Variants in PIK3R1 observed in about 807,000 individuals in gnomAD.
The protein encoded by PIK3R1 is phosphoinositide-3-kinase regulatory subunit 1, also known as phosphatidylinositol 3-kinase regulatory subunit alpha.
PIK3R1 carries 29 observed loss-of-function variants against 98.0 expected under a neutral mutation model. The ratio of observed to expected loss-of-function variants is 0.30; its 90% CI spans 0.22 to 0.40. The LOEUF is 0.40. Among genes scored for constraint, PIK3R1 ranks in the 10% least tolerant of loss-of-function variants. PIK3R1 has a pLI of 1.00. For missense variants in PIK3R1, 596 were observed against 872.7 expected (o/e 0.68, Z 3.99); for synonymous variants, 282 against 311.8 (o/e 0.90, Z 1.01).
intron 2 of PIK3R1, among the ~76,000 whole-genome samples, chr5:68,271,811 T>C (rs1746372885): frequency 1.2e-5 from 1 of 80,222 alleles, no homozygotes; most frequent in African/African-American, 1.2e-4. Context: ...TCCATCTATG[T>C]ACTGCACATT....
At chr5:68,262,499 TATCTATATATGTATAC>T (rs1348761041) in intron 2 of PIK3R1, among the ~76,000 whole-genome samples, 1 of 137,884 alleles carries the variant, frequency 7.3e-6, no homozygotes, top group African/African-American at 2.7e-5. Context: ...TGTATACATA[TATCTATATATGTATAC>T]ATATAGATAC....
chr5:68,249,229 A>G (rs1745211754), intron 2 of PIK3R1, among the ~76,000 whole-genome samples: 1 of 152,224 alleles, frequency 6.6e-6, no homozygotes, highest in Non-Finnish European at 1.5e-5. Context: ...TTTAAAATTC[A>G]GAGTCATTTT....
In PIK3R1 at chr5:68,301,575, T is replaced by C. The variant is rs1432541417; in HGVS notation, c.*3974T>C. ...GTGTATTTTTTAAAGCTACAATCTGTTCAATGTTTTTAAAAATCTGTTTAT... is the reference window on the plus strand; with the variant it reads ...GTGTATTTTTTAAAGCTACAATCTGCTCAATGTTTTTAAAAATCTGTTTAT... On this transcript the variant is annotated 3_prime_UTR_variant, in exon 16 of 16. Transcript: ENST00000521381. The C allele has an allele frequency of 6.3e-6, 1 of 159,078 alleles. No individual in the cohort carries two copies. Among genetic ancestry groups the C allele is most frequent in the Non-Finnish European group, 1.4e-5 (1 of 73,462 alleles). 9.9% of individuals were successfully genotyped at this position (159,078 alleles called of 1,614,324 possible). A position where few individuals can be genotyped will look rare whatever the true frequency, so the allele number is the denominator to read the frequency against.
chr5:68,267,434 A>G (rs1019577806), intron 2 of PIK3R1, among the ~76,000 whole-genome samples: 1 of 152,190 alleles, frequency 6.6e-6, no homozygotes, highest in African/African-American at 2.4e-5. Context: ...GCAGCAGGAG[A>G]GATAAATGAG....
chr5:68,252,992 T>C (rs1745375979), intron 2 of PIK3R1, among the ~76,000 whole-genome samples: 1 of 152,142 alleles, frequency 6.6e-6, no homozygotes, highest in Non-Finnish European at 1.5e-5. Flanking sequence ...ACAGGAAAAA[T>C]TGACTTTATG....
chr5:68,264,897 C>G lies in PIK3R1; in HGVS notation c.335-8493C>G, dbSNP rs865905834. ...ATACCTAATTCGTTGTGGTATCAGA[C>G]CAAATTTGATATGATAGCTAGACCC... On this transcript the variant is annotated intron_variant, in intron 2 of 15. Transcript: ENST00000521381. 3.9e-5 allele frequency among the ~76,000 whole-genome samples: 6 copies of G among 152,174 alleles called. No individual in the cohort carries two copies. The South Asian group carries it at 1.2e-3, about 32-fold the overall frequency.
At chr5:68,292,618 A>C (rs1354493127) in intron 8 of PIK3R1, 3 of 1,440,348 alleles carry the variant, frequency 2.1e-6, no homozygotes, top group Non-Finnish European at 2.8e-6. Flanking sequence ...GCACTGCCTA[A>C]GAACAGAGTG....
At chr5:68,242,995 G>C (rs1392227263) in intron 2 of PIK3R1, among the ~76,000 whole-genome samples, 3 of 151,588 alleles carry the variant, frequency 2.0e-5, no homozygotes, top group Admixed American at 6.6e-5. Context: ...TCTTCCCACC[G>C]TCCCCAGACA....
intron 2 of PIK3R1, among the ~76,000 whole-genome samples, chr5:68,238,253 A>C (rs888447444): frequency 6.6e-6 from 1 of 152,194 alleles, no homozygotes; most frequent in African/African-American, 2.4e-5. Context: ...AATAACTAGC[A>C]CCCAAGTGGA....
chr5:68,221,152 C>T (rs1340241495), intron 1 of PIK3R1, among the ~76,000 whole-genome samples: 1 of 152,242 alleles, frequency 6.6e-6, no homozygotes, highest in Non-Finnish European at 1.5e-5. Flanking sequence ...TAGTGCCATG[C>T]TCTTGGACTT....
At chr5:68,243,578 C>A (rs1744949347) in intron 2 of PIK3R1, among the ~76,000 whole-genome samples, 1 of 152,092 alleles carries the variant, frequency 6.6e-6, no homozygotes, top group African/African-American at 2.4e-5. Flanking sequence ...CCAGAATGGT[C>A]ACTGGAGAAA....
intron 7 of PIK3R1, chr5:68,288,745 C>G: frequency 6.2e-7 from 1 of 1,613,820 alleles, no homozygotes; most frequent in South Asian, 1.1e-5. Flanking sequence ...AATGCATAAC[C>G]TGCAAAGTAA....
Position 68,293,453 on chromosome 5 carries a change from A to G in PIK3R1, c.1269A>G (p.Lys423=). Residue 423 remains lysine (K), a synonymous_variant, in exon 10 of 16, where the codon AAA becomes AAG. Transcript: ENST00000521381. The part of the protein sequence containing the change: ...LAQYNPKLDV[K]LLYPVSKYQQ... ...AGTATAATCCCAAATTGGATGTGAA[A>G]TTACTTTATCCAGTATCCAAATACC... 3 of 1,612,690 alleles carry G rather than the reference A, an allele frequency of 1.9e-6. No individual in the cohort carries two copies. Among genetic ancestry groups the G allele is most frequent in the Non-Finnish European group, 2.5e-6 (3 of 1,179,162 alleles).
At chr5:68,289,867 T>A (rs1207415179) in intron 7 of PIK3R1, among the ~76,000 whole-genome samples, 1 of 148,452 alleles carries the variant, frequency 6.7e-6, no homozygotes, top group Non-Finnish European at 1.5e-5. Context: ...AAGATAAATA[T>A]ACCTCCACTC....
chr5:68,254,692 T>C (rs983483688), intron 2 of PIK3R1, among the ~76,000 whole-genome samples: 2 of 152,250 alleles, frequency 1.3e-5, no homozygotes, highest in African/African-American at 4.8e-5. Flanking sequence ...TAACTTACTT[T>C]TACAATTTTA....
chr5:68,239,991 C>T (rs1177185150), intron 2 of PIK3R1: 3 of 479,340 alleles, frequency 6.3e-6, no homozygotes, highest in African/African-American at 3.9e-5. Flanking sequence ...AACTGTGGCT[C>T]TTAACTGGCT....
In PIK3R1 at chr5:68,301,384, GTGTGTGTGTATATATATATATATA is replaced by G. The variant is rs1176169952; in HGVS notation, c.*3785_*3808del. Reference sequence around the variant, plus strand: ...TATATATATGTGTGTGTGTGTGTGTGTGTGTGTGTATATATATATATATATATATATATATATATATATATATAT... The same window carrying G: ...TATATATATGTGTGTGTGTGTGTGTGTATATATATATATATATATATATAT... On this transcript the variant is annotated 3_prime_UTR_variant, in exon 16 of 16. Coordinates refer to ENST00000521381, the MANE Select transcript of PIK3R1 (RefSeq NM_181523.3). The G allele has an allele frequency of 4.4e-4, 24 of 54,000 alleles. 1 individual carries two copies. The highest frequency in any genetic ancestry group is 7.7e-4 in the South Asian group (1 of 1,306). The allele number at this position is 54,000 out of a possible 1,614,324, so 3.3% of individuals were successfully genotyped here. A position where few individuals can be genotyped will look rare whatever the true frequency, so the allele number is the denominator to read the frequency against.
chr5:68,229,136 G>T (rs1204606320), intron 2 of PIK3R1, among the ~76,000 whole-genome samples: 2 of 151,704 alleles, frequency 1.3e-5, no homozygotes, highest in Non-Finnish European at 2.9e-5. Flanking sequence ...TGTTGGGGGG[G>T]GGTCATGTGG....
At chr5:68,250,310 G>A (rs1745254827) in intron 2 of PIK3R1, among the ~76,000 whole-genome samples, 1 of 152,214 alleles carries the variant, frequency 6.6e-6, no homozygotes, top group African/African-American at 2.4e-5. Flanking sequence ...GGAAGGCAGT[G>A]GAAACCCATG....
Sources: gnomAD v4.1 joint callset for allele counts (sites outside exome capture counted in the v4.1 genomes callset) on GRCh38, gnomAD v4.1.1 for gene constraint, MANE v1.5 for transcripts, NCBI Gene and HGNC (gene_info 2026-07-23, HGNC 2026-07-21) for gene names.